The following ANKDD1A variants were observed in gnomAD, a reference collection of about 807,000 sequenced individuals.
ANKDD1A encodes the protein ankyrin repeat and death domain-containing protein 1A.
Under a neutral mutation model 63.5 loss-of-function variants are expected in ANKDD1A, and 59 were observed. The observed-to-expected ratio is 0.93, with a 90% confidence interval of 0.75 to 1.15. The LOEUF (loss-of-function observed/expected upper bound fraction) is 1.15. Among genes scored for constraint, ANKDD1A ranks in the 50% most tolerant of loss-of-function variants. The pLI is 0.00. For synonymous variants in ANKDD1A, 266 were observed against 263.9 expected, an observed-to-expected ratio of 1.01 and a Z score of -0.08; for missense variants, 632 against 656.4, an observed-to-expected ratio of 0.96 and a Z score of 0.41.
intron 8 of ANKDD1A, 54 bp from the exon 9 acceptor site, chr15:64,934,082 A>C: frequency 6.8e-7 from 1 of 1,468,036 alleles, no homozygotes; most frequent in South Asian, 1.2e-5. Flanking sequence ...GAGCTTTGCA[A>C]ACCTCAGTAG....
intron 2 of ANKDD1A, 31 bp downstream of exon 2, chr15:64,915,931 C>T (rs371931476): frequency 6.7e-5 from 108 of 1,600,046 alleles, no homozygotes; most frequent in Non-Finnish European, 8.3e-5. Context: ...AATCCAGGCA[C>T]CTGGGATAGT....
intron 8 of ANKDD1A, chr15:64,931,863 A>G: frequency 1.8e-6 from 1 of 562,496 alleles, no homozygotes; most frequent in Non-Finnish European, 3.2e-6. Flanking sequence ...AGGACATAAT[A>G]GGGCCCAACA....
chr15:64,953,247 CCT>C lies in ANKDD1A; in HGVS notation c.1483+3278_1483+3279del, dbSNP rs137865946. Among the ~76,000 whole-genome samples the C allele has an allele frequency of 8.3e-3, 1,227 of 147,700 alleles. 16 individuals carry two copies. The highest frequency in any genetic ancestry group is 0.029 in the African/African-American group (1,142 of 40,018). The stretch of plus-strand genomic sequence containing the variant: ...TCCTTATTCTTCTTTCTTCTTTCCT[CCT>C]CTTTCTTCTTCTTAGTTCTTCCTCT... On this transcript the variant is annotated intron_variant, in intron 14 of 14. Coordinates refer to ENST00000319580, the MANE Select transcript of ANKDD1A (RefSeq NM_182703.6).
chr15:64,953,710 CCTT>C lies in ANKDD1A; in HGVS notation c.1484-3392_1484-3390del, dbSNP rs1566917813. ...CTTCTCCCTTCTTCTTTCTTCTTCT[CCTT>C]GTTCTTCTCCTTCTTCTCCTCCTTC... On this transcript the variant is annotated intron_variant, in intron 14 of 14. Coordinates refer to ENST00000319580, the MANE Select transcript of ANKDD1A (RefSeq NM_182703.6). Among the ~76,000 whole-genome samples, 24 of 17,902 alleles carry C rather than the reference CCTT, an allele frequency of 1.3e-3. No homozygotes were observed. The Admixed American group carries it at 0.022, about 16-fold the overall frequency. 11.7% of individuals were successfully genotyped at this position (17,902 alleles called of 152,430 possible). A position where few individuals can be genotyped will look rare whatever the true frequency, so the allele number is the denominator to read the frequency against.
rs2085429984 is a variant in ANKDD1A, at chr15:64,957,617, T to G, written c.*429T>G. 6.5e-6 allele frequency: 1 copy of G among 152,970 alleles called. No homozygotes were observed. The allele number at this position is 152,970 out of a possible 1,614,324, so 9.5% of individuals were successfully genotyped here. A position where few individuals can be genotyped will look rare whatever the true frequency, so the allele number is the denominator to read the frequency against. On this transcript the variant is annotated 3_prime_UTR_variant, in exon 15 of 15. Coordinates refer to ENST00000319580, the MANE Select transcript of ANKDD1A (RefSeq NM_182703.6). ...TTTTATTCTTTTTTCTCCTGATTAT[T>G]TGACAAAACTTGTATCCACATTGTA...
At chr15:64,953,999 C>T (rs2085369377) in intron 14 of ANKDD1A, among the ~76,000 whole-genome samples, 1 of 112,934 alleles carries the variant, frequency 8.9e-6, no homozygotes, top group African/African-American at 3.4e-5. Context: ...TCCTTTCTTT[C>T]CTTTCTTCTT....
At chr15:64,950,084 G>GCCTTCCAGATTCCTACCCCTAGC in intron 14 of ANKDD1A, 112 bp downstream of exon 14, 1 of 1,527,820 alleles carries the variant, frequency 6.5e-7, no homozygotes, top group Admixed American at 1.9e-5. Context: ...CTGGCTCTAG[G>GCCTTCCAGATTCCTACCCCTAGC]CCTTCCAGAT....
rs1438365161 is a variant in ANKDD1A, at chr15:64,952,548, C to T, written c.1483+2576C>T. Among the ~76,000 whole-genome samples, 3 of 139,950 alleles carry T rather than the reference C, an allele frequency of 2.1e-5. No individual in the cohort carries two copies. In the East Asian group the frequency reaches 6.2e-4, roughly 29 times the overall value. The allele number at this position is 139,950 out of a possible 152,430, so 91.8% of individuals were successfully genotyped here. On this transcript the variant is annotated intron_variant, in intron 14 of 14. Transcript: ENST00000319580. Reference sequence around the variant, plus strand: ...CCTTCGTCTTCTTCTCCTTCTCCTCCTCCTTCCTTCTCCTTCGTTCTTCTT... The same window carrying T: ...CCTTCGTCTTCTTCTCCTTCTCCTCTTCCTTCCTTCTCCTTCGTTCTTCTT...
intron 10 of ANKDD1A, 180 bp from the exon 11 acceptor site, chr15:64,943,301 AAAT>A: frequency 1.7e-6 from 1 of 604,194 alleles, no homozygotes. Context: ...TGGGGTAAAA[AAAT>A]TAAGATGTAA....
chr15:64,940,915 A>T (rs1474576721), intron 9 of ANKDD1A, among the ~76,000 whole-genome samples: 1 of 151,860 alleles, frequency 6.6e-6, no homozygotes. Context: ...ATTTTGTTTT[A>T]AATTTTTTGT....
At chr15:64,928,634 G>T (rs1404233410) in intron 6 of ANKDD1A, among the ~76,000 whole-genome samples, 1 of 152,204 alleles carries the variant, frequency 6.6e-6, no homozygotes, top group Non-Finnish European at 1.5e-5. Flanking sequence ...GACAACACAG[G>T]TCACTCCACG....
intron 14 of ANKDD1A, among the ~76,000 whole-genome samples, chr15:64,952,819 TCCTC>T (rs2085321774): frequency 2.1e-5 from 3 of 145,532 alleles, no homozygotes; most frequent in African/African-American, 2.5e-5. Flanking sequence ...TCCTCCTTCT[TCCTC>T]CTCCTTCTTC....
chr15:64,928,701 T>C (rs1415989285), intron 6 of ANKDD1A, among the ~76,000 whole-genome samples: 1 of 152,188 alleles, frequency 6.6e-6, no homozygotes, highest in African/African-American at 2.4e-5. Context: ...TTAACTCCAC[T>C]TGGAAGGGCA....
Position 64,931,237 on chromosome 15 carries a change from G to C in ANKDD1A, c.670-250G>C, listed in dbSNP as rs144022527. Reference sequence around the variant, plus strand: ...GGGAGGGGCTGAGACAGCCTGACCGGGGCAGAACATGAGCAGAGATGTGGA... The same window carrying C: ...GGGAGGGGCTGAGACAGCCTGACCGCGGCAGAACATGAGCAGAGATGTGGA... On this transcript the variant is annotated intron_variant, in intron 7 of 14. Transcript: ENST00000319580. Among the ~76,000 whole-genome samples the C allele has an allele frequency of 3.3e-4, 50 of 152,278 alleles. 1 individual carries two copies. The East Asian group carries it at 9.6e-3, about 29-fold the overall frequency.
chr15:64,915,928 G>C (rs1208234268), intron 2 of ANKDD1A, 28 bp downstream of exon 2: 2 of 1,603,164 alleles, frequency 1.2e-6, no homozygotes. Context: ...CTGAATCCAG[G>C]CACCTGGGAT....
intron 4 of ANKDD1A, 142 bp from the exon 5 acceptor site, chr15:64,925,924 C>T (rs1419846327): frequency 2.3e-5 from 16 of 705,074 alleles, no homozygotes; most frequent in East Asian, 3.0e-5. Flanking sequence ...GGTTATCCCT[C>T]GGGTCCATTC....
intron 12 of ANKDD1A, among the ~76,000 whole-genome samples, chr15:64,945,884 A>G (rs1473699228): frequency 2.0e-5 from 3 of 151,704 alleles, no homozygotes; most frequent in Non-Finnish European, 2.9e-5. Flanking sequence ...TGCCCACCTC[A>G]GCCTCCCAAA....
intron 7 of ANKDD1A, 115 bp downstream of exon 7, chr15:64,931,035 C>T (rs2085086621): frequency 2.8e-6 from 3 of 1,082,810 alleles, no homozygotes; most frequent in South Asian, 1.5e-5. Context: ...GGCATGATCT[C>T]GAACTGAGAG....
chr15:64,951,328 C>T (rs1256834545), intron 14 of ANKDD1A: 26,080 of 687,522 alleles, frequency 0.038, 528 homozygotes, highest in Admixed American at 0.11. Context: ...TTCTTCTTTC[C>T]TCTTTTTCTT....
Sources: allele counts gnomAD v4.1 joint callset (sites outside exome capture counted in the v4.1 genomes callset), GRCh38; gene constraint gnomAD v4.1.1; transcripts MANE v1.5; gene names NCBI Gene and HGNC (gene_info 2026-07-23, HGNC 2026-07-21).